FAM170A: variants seen among roughly 807,000 people sequenced by gnomAD.
FAM170A encodes protein FAM170A.
FAM170A carries 28 observed loss-of-function variants against 36.6 expected under a neutral mutation model. The observed-to-expected ratio is 0.76, with a 90% CI of 0.57 to 1.05. The LOEUF is 1.05. Among genes scored for constraint, FAM170A ranks in the 50% least tolerant of loss-of-function variants. FAM170A has a pLI of 0.00. For missense variants in FAM170A, 434 were observed against 396.5 expected, an observed-to-expected ratio of 1.09 and a Z score of -0.80; for synonymous variants, 156 against 143.9, an observed-to-expected ratio of 1.08 and a Z score of -0.60.
At chr5:119,632,390 A>T (rs1756272381) in intron 1 of FAM170A, among the ~76,000 whole-genome samples, 1 of 152,254 alleles carries the variant, frequency 6.6e-6, no homozygotes, top group Non-Finnish European at 1.5e-5. Flanking sequence ...TACATATTGC[A>T]TAATTTCAGG....
chr5:119,629,686 C>T, exon 1 of FAM170A: 1 of 1,045,544 alleles, frequency 9.6e-7, no homozygotes, highest in Non-Finnish European at 1.5e-6. Context: ...AATGAATTTC[C>T]TGAGAGCCAA....
exon 1 of FAM170A, chr5:119,629,836 G>T (rs761345396): frequency 6.2e-7 from 1 of 1,613,088 alleles, no homozygotes; most frequent in South Asian, 1.1e-5. Flanking sequence ...GAGAAGGGAG[G>T]AGGTATGTGC....
chr5:119,633,907 C>T, intron 2 of FAM170A, 53 bp from the exon 3 acceptor site: 2 of 1,560,772 alleles, frequency 1.3e-6, no homozygotes, highest in Non-Finnish European at 1.7e-6. Flanking sequence ...TACGTTCCCT[C>T]AGCTCCTAGC....
exon 2 of FAM170A, chr5:119,632,871 G>A (rs766507322): frequency 8.3e-5 from 134 of 1,608,684 alleles, no homozygotes; most frequent in Non-Finnish European, 1.0e-4. Context: ...TCTTCTTCAC[G>A]CAAGCTCATC....
chr5:119,632,489 G>C (rs546800135), intron 1 of FAM170A, among the ~76,000 whole-genome samples: 2 of 152,254 alleles, frequency 1.3e-5, no homozygotes, highest in African/African-American at 4.8e-5. Flanking sequence ...CATATCAAAG[G>C]CTATCTGGTA....
chr5:119,630,554 A>G (rs1756227574), intron 1 of FAM170A, among the ~76,000 whole-genome samples: 1 of 152,104 alleles, frequency 6.6e-6, no homozygotes, highest in Non-Finnish European at 1.5e-5. Context: ...CTGTTGGCTG[A>G]TGCCCGCACA....
exon 3 of FAM170A, chr5:119,634,488 T>C: frequency 6.2e-7 from 1 of 1,614,142 alleles, no homozygotes; most frequent in Non-Finnish European, 8.5e-7. Flanking sequence ...CAGGAGCATG[T>C]GCAGTTTGGG....
In FAM170A at chr5:119,634,040, C is replaced by T. The variant is rs373211031; in HGVS notation, c.292C>T (p.Arg98Cys). The change falls in exon 3 of 5, where the codon CGC becomes TGC. Residue 98 changes from arginine to cysteine, a missense_variant. Arg to Cys is a radical substitution (Grantham distance 180, BLOSUM62 -3). Transcript: ENST00000613773. ...TCAGGAACGAGGAGAGACTCCTCCC[C>T]GCTCACAACATGTCTCCTTGTCGTC... The T allele has an allele frequency of 8.2e-5, 132 of 1,614,062 alleles. No homozygotes were observed. The highest frequency in any genetic ancestry group is 3.7e-4 in the South Asian group (34 of 91,080).
Position 119,634,059 on chromosome 5 carries a change from T to C in FAM170A, c.311T>C (p.Leu104Ser), listed in dbSNP as rs377460947. 2.5e-5 allele frequency: 41 copies of C among 1,614,040 alleles called. No homozygotes were observed. The highest frequency in any genetic ancestry group is 3.3e-5 in the Non-Finnish European group (39 of 1,180,024). Residue 104 changes from leucine (L) to serine (S), a missense_variant, in exon 3 of 5, where the codon TTG becomes TCG. Coordinates refer to ENST00000613773, the Ensembl canonical transcript of FAM170A. ...CCTCCCCGCTCACAACATGTCTCCT[T>C]GTCGTCCTATTCATCCTATAAGACT...
chr5:119,635,818 C>A (rs1561525701), exon 5 of FAM170A: 1 of 154,162 alleles, frequency 6.5e-6, no homozygotes, highest in Non-Finnish European at 1.5e-5. Context: ...GTGTTTCAAA[C>A]CTTACCTGGA....
rs558969763 is a variant in FAM170A at position 119,630,187 on chromosome 5, C to T, written c.70+349C>T. On this transcript the variant is annotated intron_variant, in intron 1 of 4. Coordinates refer to ENST00000613773, the Ensembl canonical transcript of FAM170A. ...TTTTCGTTTCTGAGACAGAGTCTTG[C>T]TCTGTCGCCCAGGCTGGAGTGCAGT... 3.6e-3 allele frequency among the ~76,000 whole-genome samples: 404 copies of T among 112,914 alleles called. 5 individuals are homozygous for T. Among genetic ancestry groups the T allele is most frequent in the African/African-American group, 0.014 (390 of 28,374 alleles). 74.1% of individuals were successfully genotyped at this position (112,914 alleles called of 152,430 possible).
rs2126974146 is a variant in FAM170A, at chr5:119,634,191, C to G, written c.443C>G (p.Thr148Ser). 1.9e-6 allele frequency: 3 copies of G among 1,614,182 alleles called. No individual in the cohort carries two copies. The East Asian group carries it at 6.7e-5, about 36-fold the overall frequency. Residue 148 changes from threonine to serine, a missense_variant, in exon 3 of 5, where the codon ACT becomes AGT. Coordinates refer to ENST00000613773, the Ensembl canonical transcript of FAM170A. The stretch of plus-strand genomic sequence containing the variant: ...GCTGTCTCCTGGGAGACAGAGGAAA[C>G]TTTGGAGTCCTTAGAAAAGCAGCCA...
At chr5:119,630,167 G>A (rs1418248784) in intron 1 of FAM170A, among the ~76,000 whole-genome samples, 1 of 15,102 alleles carries the variant, frequency 6.6e-5, no homozygotes, top group Non-Finnish European at 1.4e-4. Flanking sequence ...TTTTTTTTTC[G>A]TTTCTGAGAC....
chr5:119,630,852 A>G (rs1756234745), intron 1 of FAM170A, among the ~76,000 whole-genome samples: 1 of 152,226 alleles, frequency 6.6e-6, no homozygotes, highest in Admixed American at 6.5e-5. Flanking sequence ...CTTTTAGCAG[A>G]AACGAGAGTA....
chr5:119,632,528 C>G (rs1462946281), intron 1 of FAM170A, among the ~76,000 whole-genome samples: 1 of 152,226 alleles, frequency 6.6e-6, no homozygotes, highest in East Asian at 1.9e-4. Context: ...CAGACGTACT[C>G]ATAGTCACCA....
At chr5:119,634,704 G>C in exon 3 of FAM170A, 3 of 1,550,488 alleles carry the variant, frequency 1.9e-6, no homozygotes, top group Non-Finnish European at 2.6e-6. Flanking sequence ...CAATGTCCAG[G>C]CTGTGTGTTT....
exon 3 of FAM170A, chr5:119,634,439 A>G (rs1396335061): frequency 3.1e-6 from 5 of 1,614,040 alleles, no homozygotes; most frequent in Non-Finnish European, 4.2e-6. Context: ...CTTCAGGTGC[A>G]TGGCCTGCTG....
At chr5:119,633,274 G>A (rs990818011) in intron 2 of FAM170A, among the ~76,000 whole-genome samples, 2 of 152,160 alleles carry the variant, frequency 1.3e-5, no homozygotes, top group Non-Finnish European at 2.9e-5. Context: ...AGTTGGATAT[G>A]ATCAGAGCTC....
chr5:119,630,149 CT>C lies in FAM170A; in HGVS notation c.70+327del, dbSNP rs35312547. Among the ~76,000 whole-genome samples the C allele has an allele frequency of 3.4e-3, 292 of 85,240 alleles. 4 individuals are homozygous for C. The highest frequency in any genetic ancestry group is 0.012 in the African/African-American group (262 of 21,770). 55.9% of individuals were successfully genotyped at this position (85,240 alleles called of 152,430 possible). The stretch of plus-strand genomic sequence containing the variant: ...CTCCTGATCCGCCTGCCTCGGCCTC[CT>C]TTTTTTTTTTTTTTTCGTTTCTGAG... On this transcript the variant is annotated intron_variant, in intron 1 of 4. Coordinates refer to ENST00000613773, the Ensembl canonical transcript of FAM170A.
Sources: gnomAD v4.1 joint callset for allele counts (sites outside exome capture counted in the v4.1 genomes callset) on GRCh38, gnomAD v4.1.1 for gene constraint, MANE v1.5 for transcripts, NCBI Gene and HGNC (gene_info 2026-07-23, HGNC 2026-07-21) for gene names.